Variants in MAPKAP1 observed in about 807,000 individuals in gnomAD.
MAPKAP1 encodes the protein target of rapamycin complex 2 subunit MAPKAP1.
In MAPKAP1, 20 loss-of-function variants were observed where a neutral mutation model predicts 65.7. The observed-to-expected ratio is 0.30, with a 90% CI of 0.21 to 0.44. The LOEUF is 0.44. MAPKAP1 is among the 20% of genes least tolerant of loss of function. The pLI is 1.00. For synonymous variants in MAPKAP1, 222 were observed against 244.3 expected, an observed-to-expected ratio of 0.91 and a Z score of 0.85; for missense variants, 423 against 648.0, an observed-to-expected ratio of 0.65 and a Z score of 3.77.
chr9:125,572,231 A>T (rs140109499), intron 5 of MAPKAP1, among the ~76,000 whole-genome samples: 5 of 152,174 alleles, frequency 3.3e-5, no homozygotes, highest in Non-Finnish European at 7.3e-5. Context: ...AGGAGCCCCA[A>T]GTTATCTTGG....
chr9:125,495,231 T>TCGAGAGTCAGAGGATGAGGGCATATC (rs1854899770), intron 8 of MAPKAP1, among the ~76,000 whole-genome samples: 1 of 152,150 alleles, frequency 6.6e-6, no homozygotes, highest in Non-Finnish European at 1.5e-5. Flanking sequence ...TTTCCCTGAC[T>TCGAGAGTCAGAGGATGAGGGCATATC]CGAGAGTCAG....
chr9:125,539,198 T>C (rs1032759223), intron 7 of MAPKAP1, among the ~76,000 whole-genome samples: 1 of 152,232 alleles, frequency 6.6e-6, no homozygotes, highest in Admixed American at 6.5e-5. Flanking sequence ...AAAGTAGGAA[T>C]GAATGTCACT....
intron 4 of MAPKAP1, among the ~76,000 whole-genome samples, chr9:125,594,130 T>C (rs1485762051): frequency 6.6e-6 from 1 of 152,208 alleles, no homozygotes; most frequent in East Asian, 1.9e-4. Context: ...TTCGTCAGCT[T>C]TGTCATCTGT....
At chr9:125,488,699 T>C (rs1854586753) in intron 8 of MAPKAP1, among the ~76,000 whole-genome samples, 1 of 152,224 alleles carries the variant, frequency 6.6e-6, no homozygotes, top group African/African-American at 2.4e-5. Flanking sequence ...GGAGGGGTCA[T>C]GTCTATTGTA....
intron 4 of MAPKAP1, among the ~76,000 whole-genome samples, chr9:125,632,356 T>C (rs1028997703): frequency 7.9e-5 from 12 of 152,352 alleles, no homozygotes; most frequent in Middle Eastern, 3.4e-3. Context: ...TCATTCACTA[T>C]TGTATCCTCA....
chr9:125,548,859 A>G (rs1181712996), intron 6 of MAPKAP1, among the ~76,000 whole-genome samples: 1 of 152,204 alleles, frequency 6.6e-6, no homozygotes, highest in Non-Finnish European at 1.5e-5. Flanking sequence ...TCCATTTTAT[A>G]AAAGAGAAAA....
intron 4 of MAPKAP1, among the ~76,000 whole-genome samples, chr9:125,648,769 C>T (rs779934809): frequency 2.6e-5 from 4 of 152,006 alleles, no homozygotes; most frequent in African/African-American, 9.7e-5. Flanking sequence ...GGTGAAACCC[C>T]GCCTCTAGAA....
intron 3 of MAPKAP1, among the ~76,000 whole-genome samples, chr9:125,659,333 A>C (rs1322676415): frequency 6.6e-6 from 1 of 152,168 alleles, no homozygotes; most frequent in Non-Finnish European, 1.5e-5. Context: ...TAATGTATAG[A>C]CTTCACACAG....
chr9:125,669,176 T>C (rs1834424802), intron 3 of MAPKAP1, among the ~76,000 whole-genome samples: 1 of 120,878 alleles, frequency 8.3e-6, no homozygotes, highest in Non-Finnish European at 1.7e-5. Flanking sequence ...CAAGACTCCG[T>C]CTCAAAAAAA....
chr9:125,591,022 C>T (rs1321795262), intron 4 of MAPKAP1, among the ~76,000 whole-genome samples: 1 of 152,180 alleles, frequency 6.6e-6, no homozygotes, highest in Non-Finnish European at 1.5e-5. Context: ...GATCCGCCCA[C>T]CTCGGCCTCC....
intron 1 of MAPKAP1, among the ~76,000 whole-genome samples, chr9:125,685,868 T>A (rs1022354011): frequency 6.6e-6 from 1 of 152,204 alleles, no homozygotes; most frequent in Non-Finnish European, 1.5e-5. Context: ...AGGACCCCCA[T>A]CCATGCTGCT....
chr9:125,458,217 C>CTT (rs35230535), intron 10 of MAPKAP1, among the ~76,000 whole-genome samples: 13 of 133,764 alleles, frequency 9.7e-5, no homozygotes, highest in Non-Finnish European at 2.1e-4. Flanking sequence ...CATATGGAGT[C>CTT]TTTTTTTTTT....
intron 4 of MAPKAP1, among the ~76,000 whole-genome samples, chr9:125,599,605 T>C (rs1049917168): frequency 1.7e-4 from 4 of 23,114 alleles, no homozygotes; most frequent in African/African-American, 3.1e-4. Flanking sequence ...TGTAAGTCCC[T>C]TTTTTTTTTT....
intron 3 of MAPKAP1, among the ~76,000 whole-genome samples, chr9:125,669,449 C>T (rs531962941): frequency 3.9e-4 from 60 of 152,092 alleles, no homozygotes; most frequent in African/African-American, 1.3e-3. Flanking sequence ...CATTGCACTC[C>T]GGCCTGGGCA....
rs1452871017 is a variant in MAPKAP1 at position 125,447,531 on chromosome 9, A to G, written c.1346-2933T>C. On this transcript the variant is annotated intron_variant, in intron 10 of 11. Coordinates refer to ENST00000265960, the MANE Select transcript of MAPKAP1 (RefSeq NM_001006617.3). The surrounding 1 kb of genome is among the most constrained non-coding windows in gnomAD (Gnocchi z 4.5). ...TTAAGATCAGCAGCCATGCTGGGCC[A>G]TAGGACATGGGGCGGACTCACTCCG... 1 of 456,214 alleles carries G rather than the reference A, an allele frequency of 2.2e-6. No homozygotes were observed. The highest frequency in any genetic ancestry group is 1.5e-5 in the South Asian group (1 of 64,558). The allele number at this position is 456,214 out of a possible 1,614,324, so 28.3% of individuals were successfully genotyped here.
intron 4 of MAPKAP1, among the ~76,000 whole-genome samples, chr9:125,600,589 C>T (rs796680430): frequency 1.1e-4 from 16 of 152,322 alleles, no homozygotes; most frequent in African/African-American, 2.9e-4. Context: ...AGCTGTTACT[C>T]AGACCAGGCA....
chr9:125,521,301 T>C (rs921647698), intron 7 of MAPKAP1, among the ~76,000 whole-genome samples: 4 of 112,592 alleles, frequency 3.6e-5, no homozygotes, highest in Non-Finnish European at 7.3e-5. Context: ...GAAATTTTTT[T>C]TTCTCCTTGA....
rs960767038 is a variant in MAPKAP1, at chr9:125,595,433, C to T, written c.499-9706G>A. Reference sequence around the variant, plus strand: ...TGAATTAAAACATTATCTAGAGCAGCTTTTCTCAGCTGATCCTATTAATTA... The same window carrying T: ...TGAATTAAAACATTATCTAGAGCAGTTTTTCTCAGCTGATCCTATTAATTA... On this transcript the variant is annotated intron_variant, in intron 4 of 11. Transcript: ENST00000265960. This position sits in a 1 kb window ranked among gnomAD's most constrained non-coding sequence, Gnocchi z 4.0. The T allele has an allele frequency of 1.5e-6, 1 of 673,668 alleles. No homozygotes were observed. Among genetic ancestry groups the T allele is most frequent in the African/African-American group, 2.0e-5 (1 of 51,180 alleles). 41.7% of individuals were successfully genotyped at this position (673,668 alleles called of 1,614,324 possible).
rs376598741 is a variant in MAPKAP1, at chr9:125,543,250, G to GT, written c.849-83dup. 1.2e-3 allele frequency: 1,225 copies of GT among 1,007,252 alleles called. 8 individuals are homozygous for GT. The African/African-American group carries it at 0.016, about 13-fold the overall frequency. 62.4% of individuals were successfully genotyped at this position (1,007,252 alleles called of 1,614,324 possible). A position where few individuals can be genotyped will look rare whatever the true frequency, so the allele number is the denominator to read the frequency against. Reference sequence around the variant, plus strand: ...TGCAATCTTCACTGTGTTTAAGCAAGTTTTTTTTGTTGTTGTTTGTTTTGT... The same window carrying GT: ...TGCAATCTTCACTGTGTTTAAGCAAGTTTTTTTTTGTTGTTGTTTGTTTTGT... On this transcript the variant is annotated intron_variant, in intron 6 of 11. Transcript: ENST00000265960.
Sources: allele counts gnomAD v4.1 joint callset (sites outside exome capture counted in the v4.1 genomes callset), GRCh38; gene constraint gnomAD v4.1.1; non-coding constraint Gnocchi (gnomAD v3.1); transcripts MANE v1.5; gene names NCBI Gene and HGNC (gene_info 2026-07-23, HGNC 2026-07-21).